ST3GAL3: variants seen among roughly 807,000 people sequenced by gnomAD.
ST3GAL3 encodes the protein ST3 beta-galactoside alpha-2,3-sialyltransferase 3.
In ST3GAL3, 21 loss-of-function variants were observed where a neutral mutation model predicts 50.1. That is an observed-to-expected ratio of 0.42 (90% CI 0.30 to 0.60). The LOEUF is 0.60. Among genes scored for constraint, ST3GAL3 ranks in the 20% least tolerant of loss-of-function variants. The pLI is 0.19. For missense variants in ST3GAL3, 353 were observed against 489.4 expected (o/e 0.72, Z 2.63); for synonymous variants, 183 against 190.0 (o/e 0.96, Z 0.30).
intron 4 of ST3GAL3, among the ~76,000 whole-genome samples, chr1:43,829,220 C>T (rs1297022756): frequency 6.6e-6 from 1 of 152,086 alleles, no homozygotes; most frequent in African/African-American, 2.4e-5. Flanking sequence ...AATCTTCCTC[C>T]TGCCATTTCC....
intron 2 of ST3GAL3, among the ~76,000 whole-genome samples, chr1:43,754,415 C>T (rs975013771): frequency 2.0e-5 from 3 of 152,166 alleles, no homozygotes; most frequent in African/African-American, 7.2e-5. Context: ...TGGTCTCTAA[C>T]TCCTGACCTC....
chr1:43,743,899 A>G (rs992035144), intron 2 of ST3GAL3, among the ~76,000 whole-genome samples: 2 of 138,960 alleles, frequency 1.4e-5, no homozygotes, highest in Non-Finnish European at 3.1e-5. Context: ...GTACACACGC[A>G]TATTGTACTT....
Position 43,715,515 on chromosome 1 carries a change from G to T in ST3GAL3, c.-31+7822G>T, listed in dbSNP as rs866554343. On this transcript the variant is annotated intron_variant, in intron 1 of 11. Coordinates refer to ENST00000347631, the MANE Select transcript of ST3GAL3 (RefSeq NM_006279.5). ...TGCCTGAGCCTGGGAGGCAGAGGTTGCAGTGAGCCGAGATCATGCCACTAC... is the reference window on the plus strand; with the variant it reads ...TGCCTGAGCCTGGGAGGCAGAGGTTTCAGTGAGCCGAGATCATGCCACTAC... Among the ~76,000 whole-genome samples the T allele has an allele frequency of 3.9e-5, 6 of 151,932 alleles. No individual in the cohort carries two copies. The South Asian group carries it at 1.0e-3, about 26-fold the overall frequency.
chr1:43,717,337 A>G lies in ST3GAL3; in HGVS notation c.-31+9644A>G, dbSNP rs116815503. On this transcript the variant is annotated intron_variant, in intron 1 of 11. Transcript: ENST00000347631. ...ATAGTTCCAGCATAGTTACTTTGCA[A>G]TAGTCCAGCATAGTTTTTCTAAAAT... 5.5e-3 allele frequency among the ~76,000 whole-genome samples: 841 copies of G among 152,322 alleles called. 12 individuals carry two copies. The highest frequency in any genetic ancestry group is 0.019 in the African/African-American group (790 of 41,568).
intron 2 of ST3GAL3, among the ~76,000 whole-genome samples, chr1:43,744,688 A>AAATAAATT: frequency 8.3e-6 from 1 of 120,320 alleles, no homozygotes; most frequent in African/African-American, 2.9e-5. Context: ...ATAAATAAAT[A>AAATAAATT]AAATAAAATA....
chr1:43,795,785 A>T (rs2058620748), intron 3 of ST3GAL3, among the ~76,000 whole-genome samples: 1 of 152,202 alleles, frequency 6.6e-6, no homozygotes, highest in African/African-American at 2.4e-5. Context: ...AATGCATTTA[A>T]TAGCAGTTTG....
At chr1:43,807,441 T>TAAATAAAC (rs1209266810) in intron 3 of ST3GAL3, among the ~76,000 whole-genome samples, 6 of 151,298 alleles carry the variant, frequency 4.0e-5, no homozygotes, top group Admixed American at 4.0e-4. Flanking sequence ...AATAAATAAA[T>TAAATAAAC]AAATAAATAA....
intron 2 of ST3GAL3, among the ~76,000 whole-genome samples, chr1:43,765,805 G>GCGCGCC (rs1182027061): frequency 1.1e-4 from 16 of 145,728 alleles, no homozygotes; most frequent in African/African-American, 4.2e-4. Context: ...GCGCGCGTCC[G>GCGCGCC]CGCGTCCGCG....
chr1:43,708,791 T>G (rs1013988756), intron 1 of ST3GAL3, among the ~76,000 whole-genome samples: 5 of 152,196 alleles, frequency 3.3e-5, no homozygotes, highest in African/African-American at 1.2e-4. Flanking sequence ...AAAAATAAAA[T>G]GTTAACGATG....
intron 9 of ST3GAL3, among the ~76,000 whole-genome samples, chr1:43,900,525 C>A (rs1166621342): frequency 6.6e-6 from 1 of 152,162 alleles, no homozygotes; most frequent in Non-Finnish European, 1.5e-5. Context: ...GGCCCACTCC[C>A]CCACAACCAG....
At chr1:43,917,651 TATA>T (rs2082276289) in intron 9 of ST3GAL3, among the ~76,000 whole-genome samples, 1 of 60,318 alleles carries the variant, frequency 1.7e-5, no homozygotes. Context: ...TAATATATAA[TATA>T]ATATATAATA....
chr1:43,838,845 A>C (rs1232953986), intron 5 of ST3GAL3: 1 of 183,726 alleles, frequency 5.4e-6, no homozygotes, highest in Non-Finnish European at 1.2e-5. Context: ...CTTTTACCGA[A>C]TGCTGCTAAG....
At chr1:43,791,040 A>G (rs2058016031) in intron 2 of ST3GAL3, among the ~76,000 whole-genome samples, 1 of 152,204 alleles carries the variant, frequency 6.6e-6, no homozygotes, top group Non-Finnish European at 1.5e-5. Flanking sequence ...ACCAGACTCC[A>G]TTTTGCCTCA....
intron 5 of ST3GAL3, among the ~76,000 whole-genome samples, chr1:43,877,169 A>G (rs2074274425): frequency 2.0e-5 from 3 of 152,182 alleles, no homozygotes; most frequent in Admixed American, 1.3e-4. Flanking sequence ...GTCAGGAACA[A>G]TGTTTGAGCC....
chr1:43,888,803 G>A (rs1193124061), intron 5 of ST3GAL3, among the ~76,000 whole-genome samples: 1 of 152,124 alleles, frequency 6.6e-6, no homozygotes, highest in Non-Finnish European at 1.5e-5. Context: ...TGGGGGAGTG[G>A]CACTTTCATA....
At chr1:43,765,803 C>A (rs1376303724) in intron 2 of ST3GAL3, among the ~76,000 whole-genome samples, 1 of 137,870 alleles carries the variant, frequency 7.3e-6, no homozygotes, top group Admixed American at 6.9e-5. Context: ...GCGCGCGCGT[C>A]CGCGCGTCCG....
At chr1:43,925,110 T>A (rs969222871) in intron 11 of ST3GAL3, among the ~76,000 whole-genome samples, 1 of 151,814 alleles carries the variant, frequency 6.6e-6, no homozygotes, top group Admixed American at 6.6e-5. Context: ...GCTAACATGG[T>A]GAAACCCCGT....
At chr1:43,839,210 G>T (rs914379212) in intron 5 of ST3GAL3, 1 of 152,348 alleles carries the variant, frequency 6.6e-6, no homozygotes, top group African/African-American at 2.4e-5. Context: ...CTTTTCTAAC[G>T]TGAGCAGTCT....
At chr1:43,879,942 C>T (rs1013217040) in intron 5 of ST3GAL3, among the ~76,000 whole-genome samples, 1 of 152,218 alleles carries the variant, frequency 6.6e-6, no homozygotes, top group African/African-American at 2.4e-5. Context: ...TGCTTGGCAC[C>T]ACTGCCTTGG....
Sources: allele counts gnomAD v4.1 joint callset (sites outside exome capture counted in the v4.1 genomes callset), GRCh38; gene constraint gnomAD v4.1.1; transcripts MANE v1.5; gene names NCBI Gene and HGNC (gene_info 2026-07-23, HGNC 2026-07-21).